Variants in ITCH observed in about 807,000 individuals in gnomAD.
ITCH encodes the protein E3 ubiquitin-protein ligase Itchy homolog.
In ITCH, 28 loss-of-function variants were observed where a neutral mutation model predicts 126.8. That is an observed-to-expected ratio of 0.22 (90% CI 0.16 to 0.30). The LOEUF is 0.30. Among genes scored for constraint, ITCH ranks in the 10% least tolerant of loss-of-function variants. The pLI, the probability that ITCH is intolerant of heterozygous loss-of-function variation, is 1.00. For synonymous variants in ITCH, 342 were observed against 340.0 expected, an observed-to-expected ratio of 1.01 and a Z score of -0.06; for missense variants, 631 against 1,032.4, an observed-to-expected ratio of 0.61 and a Z score of 5.33.
chr20:34,391,142 G>C (rs2038476163), intron 2 of ITCH, among the ~76,000 whole-genome samples: 1 of 152,116 alleles, frequency 6.6e-6, no homozygotes, highest in Non-Finnish European at 1.5e-5. Flanking sequence ...TTGAAGTGTG[G>C]ATTATCTATT....
Position 34,377,541 on chromosome 20 carries a change from A to G in ITCH, c.-22+8071A>G, listed in dbSNP as rs577739343. Among the ~76,000 whole-genome samples, 13 of 152,092 alleles carry G rather than the reference A, an allele frequency of 8.5e-5. 1 individual carries two copies. In the South Asian group the frequency reaches 2.7e-3, roughly 32 times the overall value. On this transcript the variant is annotated intron_variant, in intron 2 of 24. Transcript: ENST00000374864. The stretch of plus-strand genomic sequence containing the variant: ...AATGACAAATGGCTTGCTCTTAGAA[A>G]GATGTAGAATTTTCTTGCAGAAACT...
chr20:34,390,129 AAG>A (rs1491259065), intron 2 of ITCH, among the ~76,000 whole-genome samples: 115 of 151,664 alleles, frequency 7.6e-4, no homozygotes, highest in African/African-American at 2.5e-3. Context: ...CAAAAAAAAA[AAG>A]AAAAAAATTG....
intron 2 of ITCH, among the ~76,000 whole-genome samples, chr20:34,389,575 T>A (rs990109829): frequency 2.0e-4 from 30 of 152,238 alleles, no homozygotes; most frequent in Admixed American, 2.0e-3. Context: ...GGAAAGAGAC[T>A]AAGAAATCCA....
chr20:34,496,565 G>C (rs1773477822), intron 23 of ITCH, among the ~76,000 whole-genome samples: 1 of 152,142 alleles, frequency 6.6e-6, no homozygotes, highest in Admixed American at 6.5e-5. Flanking sequence ...CAGCACTTTG[G>C]GAGGCCGAGA....
intron 7 of ITCH, among the ~76,000 whole-genome samples, chr20:34,436,816 A>G (rs1193737775): frequency 6.6e-6 from 1 of 152,228 alleles, no homozygotes; most frequent in Non-Finnish European, 1.5e-5. Flanking sequence ...TGTGGTACAC[A>G]GTTTGAAAAT....
At chr20:34,387,679 T>C (rs2146048458) in intron 2 of ITCH, among the ~76,000 whole-genome samples, 1 of 150,012 alleles carries the variant, frequency 6.7e-6, no homozygotes, top group African/African-American at 2.5e-5. Flanking sequence ...TAATAGGTAA[T>C]AGAGTTTTAA....
intron 23 of ITCH, among the ~76,000 whole-genome samples, chr20:34,501,803 G>A (rs556365028): frequency 2.7e-5 from 4 of 146,812 alleles, no homozygotes; most frequent in Non-Finnish European, 6.0e-5. Context: ...AAGACAAGTA[G>A]TACTGGAAAA....
intron 5 of ITCH, among the ~76,000 whole-genome samples, chr20:34,413,370 T>C (rs536719085): frequency 2.0e-5 from 3 of 152,198 alleles, no homozygotes; most frequent in South Asian, 2.1e-4. Context: ...TTAGGACTTA[T>C]TAGATATAAT....
chr20:34,492,473 T>C (rs373764002), intron 22 of ITCH, 28 bp from the exon 23 acceptor site: 36 of 1,222,460 alleles, frequency 2.9e-5, no homozygotes, highest in Non-Finnish European at 4.4e-5. Context: ...ATATGACATA[T>C]ATATCTCTTT....
At chr20:34,409,159 A>G (rs1387969732) in intron 4 of ITCH, among the ~76,000 whole-genome samples, 3 of 97,234 alleles carry the variant, frequency 3.1e-5, no homozygotes, top group South Asian at 7.6e-4. Flanking sequence ...CCCGGTTTTT[A>G]ACTTAATTTT....
rs748524223 is a variant in ITCH at position 34,492,481 on chromosome 20, T to C, written c.2320-20T>C. ...ATGTAACATATGACATATATATCTC[T>C]TTAAATATACTTTTAACAGTTTGTT... On this transcript the variant is annotated intron_variant, in intron 22 of 24. Transcript: ENST00000374864. 42 of 1,347,920 alleles carry C rather than the reference T, an allele frequency of 3.1e-5. No homozygotes were observed. The highest frequency in any genetic ancestry group is 2.5e-4 in the Admixed American group (15 of 59,668). 83.5% of individuals were successfully genotyped at this position (1,347,920 alleles called of 1,614,324 possible).
intron 3 of ITCH, among the ~76,000 whole-genome samples, chr20:34,399,827 T>G (rs928359973): frequency 6.6e-6 from 1 of 152,038 alleles, no homozygotes; most frequent in African/African-American, 2.4e-5. Context: ...ACAGTCACGG[T>G]TCACTGCAGC....
rs1309494798 is a variant in ITCH, at chr20:34,363,359, C to T, written c.-99+10C>T. On this transcript the variant is annotated intron_variant, in intron 1 of 24. Coordinates refer to ENST00000374864, the MANE Select transcript of ITCH (RefSeq NM_031483.7). ...GCCGCCCCGAGTCCCGGTAAACCCC[C>T]GTGGGCGAACTCGGGGCAGTTCTCG... 1 of 152,520 alleles carries T rather than the reference C, an allele frequency of 6.6e-6. No homozygotes were observed. Among genetic ancestry groups the T allele is most frequent in the Non-Finnish European group, 1.5e-5 (1 of 68,122 alleles). The allele number at this position is 152,520 out of a possible 1,614,324, so 9.4% of individuals were successfully genotyped here. A position where few individuals can be genotyped will look rare whatever the true frequency, so the allele number is the denominator to read the frequency against.
At chr20:34,405,923 TCAG>T (rs1295190668) in intron 3 of ITCH, among the ~76,000 whole-genome samples, 2 of 152,006 alleles carry the variant, frequency 1.3e-5, no homozygotes, top group Non-Finnish European at 2.9e-5. Flanking sequence ...TACATTTTAA[TCAG>T]AGATAGCTCT....
chr20:34,453,696 CAAGA>C (rs1213084391), intron 12 of ITCH, among the ~76,000 whole-genome samples: 2 of 151,900 alleles, frequency 1.3e-5, no homozygotes, highest in East Asian at 1.9e-4. Context: ...TATTTTTAAA[CAAGA>C]AAGAGAATTC....
intron 20 of ITCH, among the ~76,000 whole-genome samples, chr20:34,487,337 T>C (rs1989202646): frequency 6.6e-6 from 1 of 152,160 alleles, no homozygotes; most frequent in Admixed American, 6.5e-5. Flanking sequence ...CCTGATAATC[T>C]CTACTTTATA....
chr20:34,465,481 C>G (rs1009363131), intron 14 of ITCH, among the ~76,000 whole-genome samples: 1 of 152,022 alleles, frequency 6.6e-6, no homozygotes, highest in Non-Finnish European at 1.5e-5. Context: ...CCATATTGAT[C>G]AATACAGATT....
At chr20:34,442,702 A>G (rs916683038) in intron 10 of ITCH, among the ~76,000 whole-genome samples, 2 of 147,450 alleles carry the variant, frequency 1.4e-5, no homozygotes, top group Admixed American at 6.8e-5. Flanking sequence ...GGCTGGGCGC[A>G]GTGGCTCACG....
At position 34,508,413 on chromosome 20, in the gene ITCH, C is replaced by T. The variant is rs186405217; in HGVS notation, c.*619C>T. The T allele has an allele frequency of 6.4e-6, 1 of 157,312 alleles. No individual in the cohort carries two copies. Among genetic ancestry groups the T allele is most frequent in the African/African-American group, 2.4e-5 (1 of 41,578 alleles). The allele number at this position is 157,312 out of a possible 1,614,324, so 9.7% of individuals were successfully genotyped here. On this transcript the variant is annotated 3_prime_UTR_variant, in exon 25 of 25. Transcript: ENST00000374864. ...TTTGAATTCAGGGAAAAGTTGGTCA[C>T]AGCCTGCAAATGACTTCATTTGGAA...
Sources: gnomAD v4.1 joint callset for allele counts (sites outside exome capture counted in the v4.1 genomes callset) on GRCh38, gnomAD v4.1.1 for gene constraint, MANE v1.5 for transcripts, NCBI Gene and HGNC (gene_info 2026-07-23, HGNC 2026-07-21) for gene names.